The following PDGFD variants were observed in gnomAD, a reference collection of about 807,000 sequenced individuals.
The protein encoded by PDGFD is platelet derived growth factor D.
A neutral mutation model predicts 44.7 loss-of-function variants in PDGFD; 30 were observed. The ratio of observed to expected loss-of-function variants is 0.67; its 90% CI spans 0.50 to 0.91. The LOEUF is 0.91. PDGFD is among the 40% of genes least tolerant of loss of function. PDGFD has a pLI of 0.00. For missense variants in PDGFD, 445 were observed against 457.8 expected (o/e 0.97, Z 0.25); for synonymous variants, 173 against 168.4 (o/e 1.03, Z -0.21).
chr11:104,118,086 T>G (rs577776775), intron 1 of PDGFD, among the ~76,000 whole-genome samples: 11 of 152,112 alleles, frequency 7.2e-5, no homozygotes, highest in African/African-American at 2.6e-4. Flanking sequence ...CTTTCAGATT[T>G]TCTACATAGA....
intron 1 of PDGFD, among the ~76,000 whole-genome samples, chr11:104,163,035 G>T (rs1862412123): frequency 6.6e-6 from 1 of 152,174 alleles, no homozygotes; most frequent in South Asian, 2.1e-4. Flanking sequence ...TAGAGTAAAG[G>T]AAAACAAACA....
intron 6 of PDGFD, among the ~76,000 whole-genome samples, chr11:103,917,676 C>T (rs989592771): frequency 6.6e-6 from 1 of 151,906 alleles, no homozygotes; most frequent in Non-Finnish European, 1.5e-5. Flanking sequence ...TACTGAGATT[C>T]TAAAGGAGGA....
intron 1 of PDGFD, among the ~76,000 whole-genome samples, chr11:104,017,290 G>A (rs1016515650): frequency 1.4e-4 from 21 of 152,284 alleles, no homozygotes; most frequent in Admixed American, 5.2e-4. Context: ...ATGGCAGCTT[G>A]AGCGGACTAA....
At chr11:103,913,871 CT>C (rs1858070398) in intron 6 of PDGFD, among the ~76,000 whole-genome samples, 2 of 152,170 alleles carry the variant, frequency 1.3e-5, no homozygotes, top group Admixed American at 1.3e-4. Flanking sequence ...TTATAAACAC[CT>C]CTATGCAAAT....
intron 1 of PDGFD, among the ~76,000 whole-genome samples, chr11:104,019,908 C>T (rs913308238): frequency 1.3e-5 from 2 of 152,108 alleles, no homozygotes; most frequent in African/African-American, 4.8e-5. Flanking sequence ...ATGTCACTTC[C>T]TTCATCTACA....
chr11:103,948,469 G>C (rs961846550), intron 3 of PDGFD, among the ~76,000 whole-genome samples: 2 of 152,174 alleles, frequency 1.3e-5, no homozygotes, highest in African/African-American at 4.8e-5. Flanking sequence ...TCTCCCATTT[G>C]TATGTGACCT....
intron 3 of PDGFD, among the ~76,000 whole-genome samples, chr11:103,966,586 G>A (rs777429132): frequency 3.3e-5 from 5 of 152,156 alleles, no homozygotes; most frequent in Admixed American, 1.3e-4. Flanking sequence ...TGATGGGATC[G>A]AAAGCTGATG....
chr11:103,929,039 T>C (rs1309639371), intron 5 of PDGFD, among the ~76,000 whole-genome samples: 1 of 152,154 alleles, frequency 6.6e-6, no homozygotes, highest in South Asian at 2.1e-4. Flanking sequence ...GGGATCGTGA[T>C]GTGTGAGAAG....
At chr11:103,953,790 T>C (rs1278639909) in intron 3 of PDGFD, among the ~76,000 whole-genome samples, 1 of 152,252 alleles carries the variant, frequency 6.6e-6, no homozygotes, top group Non-Finnish European at 1.5e-5. Flanking sequence ...AAAAGTGTTC[T>C]TGTAGATACG....
intron 1 of PDGFD, among the ~76,000 whole-genome samples, chr11:104,001,374 T>C (rs1859617386): frequency 2.0e-5 from 3 of 152,222 alleles, no homozygotes; most frequent in African/African-American, 7.2e-5. Context: ...TGGTCCTAAT[T>C]TATATCCTTT....
chr11:103,933,786 A>G (rs1858444145), intron 5 of PDGFD, among the ~76,000 whole-genome samples: 1 of 152,180 alleles, frequency 6.6e-6, no homozygotes, highest in Admixed American at 6.5e-5. Context: ...CAGAGGACTT[A>G]AGTGACTTGC....
intron 1 of PDGFD, among the ~76,000 whole-genome samples, chr11:104,079,325 C>A (rs1861010796): frequency 6.6e-6 from 1 of 152,156 alleles, no homozygotes. Flanking sequence ...CAGGTTCTTA[C>A]CCTGAATTTT....
rs5794294 is a variant in PDGFD at position 104,108,358 on chromosome 11, GAA to G, written c.124+55444_124+55445del. Among the ~76,000 whole-genome samples the G allele has an allele frequency of 7.1e-3, 1,067 of 149,872 alleles. 7 individuals are homozygous for G. The highest frequency in any genetic ancestry group is 0.023 in the African/African-American group (954 of 41,028). Reference sequence around the variant, plus strand: ...ACAAAGAACTCAAACAAATTTATAAGAAAAAAAAAACTCCATCAAAAAGTGGG... The same window carrying G: ...ACAAAGAACTCAAACAAATTTATAAGAAAAAAAACTCCATCAAAAAGTGGG... On this transcript the variant is annotated intron_variant, in intron 1 of 6. Transcript: ENST00000393158.
intron 1 of PDGFD, among the ~76,000 whole-genome samples, chr11:104,078,286 C>T (rs1860995849): frequency 6.6e-6 from 1 of 152,328 alleles, no homozygotes; most frequent in Middle Eastern, 3.4e-3. Flanking sequence ...AGGCTGGTTA[C>T]ATGGACATCT....
In PDGFD at chr11:104,046,960, A is replaced by T. The variant is rs1466216417; in HGVS notation, c.125-46705T>A. ...CTGTGTCTACATGTTCTCATTGTTCATCTCCCACTTATGAGTGAGAACATG... is the reference window on the plus strand; with the variant it reads ...CTGTGTCTACATGTTCTCATTGTTCTTCTCCCACTTATGAGTGAGAACATG... On this transcript the variant is annotated intron_variant, in intron 1 of 6. Transcript: ENST00000393158. 1.2e-4 allele frequency among the ~76,000 whole-genome samples: 17 copies of T among 146,260 alleles called. 2 individuals carry two copies. The highest frequency in any genetic ancestry group is 2.6e-4 in the Non-Finnish European group (17 of 65,676).
chr11:103,980,016 C>T (rs189609278), intron 3 of PDGFD, among the ~76,000 whole-genome samples: 73 of 151,982 alleles, frequency 4.8e-4, no homozygotes, highest in East Asian at 7.7e-4. Context: ...ACTTTGTATG[C>T]GTATTTATAT....
intron 6 of PDGFD, among the ~76,000 whole-genome samples, chr11:103,915,582 A>G (rs11226076): frequency 0.46 from 69,337 of 151,732 alleles, 15,906 homozygotes; most frequent in South Asian, 0.49. Flanking sequence ...ACAGAATTGG[A>G]AAAAACAACT....
intron 1 of PDGFD, among the ~76,000 whole-genome samples, chr11:104,118,917 CATAAT>C (rs1267727057): frequency 1.3e-5 from 1 of 75,262 alleles, no homozygotes; most frequent in Non-Finnish European, 2.3e-5. Flanking sequence ...ATATTATATA[CATAAT>C]ATATTATTAT....
chr11:104,125,867 G>A (rs1177688882), intron 1 of PDGFD, among the ~76,000 whole-genome samples: 2 of 152,108 alleles, frequency 1.3e-5, no homozygotes, highest in Non-Finnish European at 1.5e-5. Flanking sequence ...CAACAGTAAT[G>A]GTGTCACTGC....
Sources: gnomAD v4.1 joint callset for allele counts (sites outside exome capture counted in the v4.1 genomes callset) on GRCh38, gnomAD v4.1.1 for gene constraint, MANE v1.5 for transcripts, NCBI Gene and HGNC (gene_info 2026-07-23, HGNC 2026-07-21) for gene names.